Variants in CSMD1 observed in about 807,000 individuals in gnomAD.
The protein encoded by CSMD1 is CUB and sushi domain-containing protein 1.
Under a neutral mutation model 417.5 loss-of-function variants are expected in CSMD1, and 213 were observed. That is an observed-to-expected ratio of 0.51 (90% CI 0.46 to 0.57). The LOEUF is 0.57. CSMD1 is among the 20% of genes least tolerant of loss of function. The pLI, the probability that CSMD1 is intolerant of heterozygous loss-of-function variation, is 0.00. For missense variants in CSMD1, 6,923 were observed against 4,529.7 expected (o/e 1.53, Z -15.17); for synonymous variants, 2,862 against 1,736.8 (o/e 1.65, Z -16.11).
At chr8:4,977,807 G>C (rs187633543) in intron 1 of CSMD1, among the ~76,000 whole-genome samples, 1 of 152,208 alleles carries the variant, frequency 6.6e-6, no homozygotes, top group Non-Finnish European at 1.5e-5. Flanking sequence ...ATACTGCAGC[G>C]CTTTTACTGA....
intron 42 of CSMD1, among the ~76,000 whole-genome samples, chr8:3,115,394 G>A (rs1017165554): frequency 6.7e-4 from 102 of 152,056 alleles, no homozygotes; most frequent in African/African-American, 2.2e-3. Context: ...TAGAGTTGGG[G>A]TTTTGCCATG....
At chr8:3,493,512 A>T (rs1796224543) in intron 11 of CSMD1, 111 bp downstream of exon 11, 1 of 786,964 alleles carries the variant, frequency 1.3e-6, no homozygotes, top group African/African-American at 1.7e-5. Context: ...CATAGATGGC[A>T]CTAAGCAAAC....
intron 2 of CSMD1, among the ~76,000 whole-genome samples, chr8:4,422,056 C>T (rs929913062): frequency 1.3e-5 from 2 of 151,992 alleles, no homozygotes; most frequent in African/African-American, 4.8e-5. Flanking sequence ...CAATATGGGT[C>T]ACTAACTCAA....
intron 3 of CSMD1, among the ~76,000 whole-genome samples, chr8:4,088,759 T>G (rs924525059): frequency 6.6e-5 from 10 of 152,090 alleles, no homozygotes; most frequent in African/African-American, 2.4e-4. Flanking sequence ...CCACCATTTA[T>G]TCCAACAGCC....
intron 10 of CSMD1, among the ~76,000 whole-genome samples, chr8:3,539,742 T>C (rs1428754548): frequency 7.2e-6 from 1 of 138,942 alleles, no homozygotes; most frequent in Admixed American, 7.3e-5. Flanking sequence ...AAAACAAGAA[T>C]CTCTAGCCCT....
intron 2 of CSMD1, among the ~76,000 whole-genome samples, chr8:4,572,499 C>G (rs566056559): frequency 6.6e-6 from 1 of 152,196 alleles, no homozygotes; most frequent in Non-Finnish European, 1.5e-5. Context: ...GTTAGTCTGA[C>G]GGGCTTGCCT....
chr8:4,169,965 A>G (rs1007932001), intron 3 of CSMD1, among the ~76,000 whole-genome samples: 7 of 150,518 alleles, frequency 4.7e-5, no homozygotes, highest in Admixed American at 1.3e-4. Flanking sequence ...GTTTTCCTCC[A>G]TACTGTATCC....
In CSMD1 at chr8:4,116,943, T is replaced by C. The variant is rs1039499965; in HGVS notation, c.416-84844A>G. 3.9e-5 allele frequency among the ~76,000 whole-genome samples: 6 copies of C among 152,148 alleles called. No homozygotes were observed. In the East Asian group the frequency reaches 1.2e-3, roughly 29 times the overall value. On this transcript the variant is annotated intron_variant, in intron 3 of 69. Transcript: ENST00000635120. ...TGTGTACCATCCTTTGTCTTTTCCA[T>C]GAAGTCTGAGAATCAGGCTGGTAAG...
rs192596312 is a variant in CSMD1, at chr8:3,758,687, T to C, written c.819-4645A>G. Among the ~76,000 whole-genome samples the C allele has an allele frequency of 1.7e-3, 253 of 152,312 alleles. 1 individual carries two copies. The highest frequency in any genetic ancestry group is 5.8e-3 in the African/African-American group (240 of 41,570). The stretch of plus-strand genomic sequence containing the variant: ...GAGATTTAGAAGAAAAGAATTCAAC[T>C]GAATGGCTTTGTGGGAGGCAGAATC... On this transcript the variant is annotated intron_variant, in intron 5 of 69. Coordinates refer to ENST00000635120, the MANE Select transcript of CSMD1 (RefSeq NM_033225.6).
intron 25 of CSMD1, among the ~76,000 whole-genome samples, chr8:3,285,420 T>C (rs953254725): frequency 1.3e-5 from 2 of 151,172 alleles, no homozygotes; most frequent in Non-Finnish European, 2.9e-5. Context: ...GGGATGTCGC[T>C]CCCTCTCCTA....
At chr8:3,830,098 C>G (rs1458237875) in intron 5 of CSMD1, among the ~76,000 whole-genome samples, 2 of 152,166 alleles carry the variant, frequency 1.3e-5, no homozygotes, top group Admixed American at 1.3e-4. Context: ...TGCCCGTTTT[C>G]TTGACCCTAA....
chr8:4,899,717 A>T (rs913689486), intron 1 of CSMD1, among the ~76,000 whole-genome samples: 2 of 152,198 alleles, frequency 1.3e-5, no homozygotes, highest in African/African-American at 4.8e-5. Flanking sequence ...TTCTAATCAT[A>T]TCTCACTGGA....
At chr8:4,913,016 T>A (rs926852474) in intron 1 of CSMD1, among the ~76,000 whole-genome samples, 1 of 152,166 alleles carries the variant, frequency 6.6e-6, no homozygotes, top group Non-Finnish European at 1.5e-5. Context: ...CTCGAACTCC[T>A]GACCTCAAGT....
intron 3 of CSMD1, among the ~76,000 whole-genome samples, chr8:4,138,699 A>T (rs73176384): frequency 1.3e-5 from 2 of 151,902 alleles, no homozygotes; most frequent in Non-Finnish European, 2.9e-5. Flanking sequence ...AATGAATTCA[A>T]TATTTCTTCA....
chr8:3,608,270 G>T (rs1184655131), intron 8 of CSMD1, among the ~76,000 whole-genome samples: 2 of 152,082 alleles, frequency 1.3e-5, no homozygotes, highest in East Asian at 1.9e-4. Context: ...AGATATTGCA[G>T]CTCATGCAGA....
At chr8:4,061,583 G>A (rs1007514864) in intron 3 of CSMD1, among the ~76,000 whole-genome samples, 2 of 152,184 alleles carry the variant, frequency 1.3e-5, no homozygotes, top group Admixed American at 6.5e-5. Flanking sequence ...CTATGGTAAG[G>A]AAGTTGTCTG....
At chr8:4,365,003 T>C (rs1042922817) in intron 3 of CSMD1, among the ~76,000 whole-genome samples, 1 of 152,168 alleles carries the variant, frequency 6.6e-6, no homozygotes, top group Non-Finnish European at 1.5e-5. Context: ...TATATTCTAA[T>C]GGAACTCAGA....
intron 2 of CSMD1, among the ~76,000 whole-genome samples, chr8:4,627,275 A>G (rs1281400396): frequency 6.6e-6 from 1 of 152,174 alleles, no homozygotes; most frequent in Admixed American, 6.6e-5. Flanking sequence ...GAAAAAGTAA[A>G]TCTTAAACAG....
At chr8:3,424,066 GT>G (rs1307868536) in intron 12 of CSMD1, among the ~76,000 whole-genome samples, 2 of 151,972 alleles carry the variant, frequency 1.3e-5, no homozygotes, top group Non-Finnish European at 2.9e-5. Context: ...AAAATTATTT[GT>G]TTTATGTTCA....
Sources: gnomAD v4.1 joint callset for allele counts (sites outside exome capture counted in the v4.1 genomes callset) on GRCh38, gnomAD v4.1.1 for gene constraint, MANE v1.5 for transcripts, NCBI Gene and HGNC (gene_info 2026-07-23, HGNC 2026-07-21) for gene names.